Variants in FNIP2 observed in about 807,000 individuals in gnomAD.
FNIP2 encodes folliculin interacting protein 2, also known as folliculin-interacting protein 2.
A neutral mutation model predicts 108.7 loss-of-function variants in FNIP2; 32 were observed. That is an observed-to-expected ratio of 0.29 (90% confidence interval 0.22 to 0.40). The LOEUF is 0.40. Among genes scored for constraint, FNIP2 ranks in the 10% least tolerant of loss-of-function variants. The probability of loss-of-function intolerance (pLI) is 1.00; values close to 1 mark genes in which losing one functional copy is unlikely to be tolerated. For missense variants in FNIP2, 1,202 were observed against 1,381.6 expected (o/e 0.87, Z 2.06); for synonymous variants, 480 against 496.7 (o/e 0.97, Z 0.45).
intron 1 of FNIP2, among the ~76,000 whole-genome samples, chr4:158,778,546 A>G (rs776818133): frequency 6.6e-6 from 1 of 152,254 alleles, no homozygotes; most frequent in Non-Finnish European, 1.5e-5. Flanking sequence ...TGACTATAGT[A>G]TGATGAGATA....
chr4:158,798,207 C>T (rs1186154737), intron 1 of FNIP2, among the ~76,000 whole-genome samples: 1 of 151,924 alleles, frequency 6.6e-6, no homozygotes, highest in African/African-American at 2.4e-5. Flanking sequence ...TAGCATTACA[C>T]GCACGCACCA....
intron 1 of FNIP2, among the ~76,000 whole-genome samples, chr4:158,781,578 G>T (rs747446644): frequency 1.3e-5 from 2 of 152,090 alleles, no homozygotes; most frequent in Non-Finnish European, 1.5e-5. Context: ...GCAGTGGCGC[G>T]ATCTTGGCTC....
At chr4:158,842,915 T>C (rs1779206192) in intron 7 of FNIP2, among the ~76,000 whole-genome samples, 1 of 152,184 alleles carries the variant, frequency 6.6e-6, no homozygotes, top group South Asian at 2.1e-4. Flanking sequence ...TATAATTTGA[T>C]TTTCCTATTA....
At chr4:158,828,887 G>A (rs761166446) in intron 2 of FNIP2, among the ~76,000 whole-genome samples, 192 bp from the exon 3 acceptor site, 7 of 151,946 alleles carry the variant, frequency 4.6e-5, no homozygotes, top group Non-Finnish European at 1.0e-4. Flanking sequence ...ACCTCCTTTT[G>A]TCTAGAACCC....
intron 8 of FNIP2, among the ~76,000 whole-genome samples, chr4:158,852,733 G>T (rs1211723459): frequency 1.3e-5 from 2 of 152,200 alleles, no homozygotes; most frequent in African/African-American, 2.4e-5. Flanking sequence ...ACTGTCAGGA[G>T]ACGGCATCGC....
intron 7 of FNIP2, among the ~76,000 whole-genome samples, chr4:158,846,047 G>A (rs1276839512): frequency 3.3e-5 from 5 of 152,202 alleles, no homozygotes; most frequent in Non-Finnish European, 7.3e-5. Flanking sequence ...ACACCAAGTT[G>A]TCTTACTTGG....
At position 158,851,415 on chromosome 4, in the gene FNIP2, GACA is replaced by G; in HGVS notation, c.827_829del (p.Thr276del). On this transcript the variant is annotated inframe_deletion, in exon 8 of 17. Coordinates refer to ENST00000264433, the MANE Select transcript of FNIP2 (RefSeq NM_020840.3). ...ACCAGCGCCGCTGGCTTCGAAGTCAGACAACAAGTTTGGAAAATGGCATCATCC... is the reference window on the plus strand; with the variant it reads ...ACCAGCGCCGCTGGCTTCGAAGTCAGACAAGTTTGGAAAATGGCATCATCC... 1.9e-6 allele frequency: 3 copies of G among 1,613,952 alleles called. No individual in the cohort carries two copies. Among genetic ancestry groups the G allele is most frequent in the Non-Finnish European group, 2.5e-6 (3 of 1,179,870 alleles).
intron 7 of FNIP2, among the ~76,000 whole-genome samples, chr4:158,845,325 T>A (rs1054923706): frequency 6.6e-6 from 1 of 152,234 alleles, no homozygotes; most frequent in African/African-American, 2.4e-5. Context: ...ACTGAACTCA[T>A]GCAAAAGTTC....
At chr4:158,853,046 T>C (rs1468787348) in intron 8 of FNIP2, among the ~76,000 whole-genome samples, 1 of 152,190 alleles carries the variant, frequency 6.6e-6, no homozygotes, top group Non-Finnish European at 1.5e-5. Context: ...GAATACTTTA[T>C]ATGTAAGATA....
At position 158,816,302 on chromosome 4, in the gene FNIP2, G is replaced by C. The variant is rs993562164; in HGVS notation, c.108-9614G>C. 2.0e-5 allele frequency among the ~76,000 whole-genome samples: 3 copies of C among 151,992 alleles called. No individual in the cohort carries two copies. The East Asian group carries it at 5.8e-4, about 29-fold the overall frequency. On this transcript the variant is annotated intron_variant, in intron 1 of 16. Transcript: ENST00000264433. ...TGAATAACATATAAGGCAATGTCTT[G>C]GGTATTTACTTTGAAATTTATTCCG...
intron 1 of FNIP2, among the ~76,000 whole-genome samples, chr4:158,795,631 A>G (rs1258853665): frequency 3.3e-5 from 5 of 152,152 alleles, no homozygotes; most frequent in Non-Finnish European, 5.9e-5. Flanking sequence ...TCTTCCCTAA[A>G]CCAGGGGTCC....
intron 8 of FNIP2, among the ~76,000 whole-genome samples, chr4:158,857,126 T>C (rs1780029385): frequency 6.6e-6 from 1 of 152,228 alleles, no homozygotes; most frequent in South Asian, 2.1e-4. Context: ...GAGATGTTGA[T>C]GAGAAACTGT....
chr4:158,802,803 G>A (rs990222576), intron 1 of FNIP2, among the ~76,000 whole-genome samples: 5 of 152,178 alleles, frequency 3.3e-5, no homozygotes, highest in Non-Finnish European at 5.9e-5. Flanking sequence ...TTTTGGCCAC[G>A]GGGAAAAGAG....
chr4:158,847,790 G>A (rs1560798252), intron 7 of FNIP2, among the ~76,000 whole-genome samples: 1 of 152,160 alleles, frequency 6.6e-6, no homozygotes, highest in East Asian at 1.9e-4. Context: ...TGAGTCCCAG[G>A]CCTGGCAGCA....
At chr4:158,839,349 T>TC (rs1778987944) in intron 7 of FNIP2, among the ~76,000 whole-genome samples, 1 of 140,640 alleles carries the variant, frequency 7.1e-6, no homozygotes, top group East Asian at 2.0e-4. Context: ...CAATACTACT[T>TC]CATTTCTATT....
At chr4:158,891,393 C>T (rs1782270110) in intron 14 of FNIP2, 53 bp from the exon 15 acceptor site, 2 of 1,503,484 alleles carry the variant, frequency 1.3e-6, no homozygotes, top group Non-Finnish European at 1.8e-6. Context: ...GAAACTTTGA[C>T]CTTTTGGACT....
chr4:158,805,110 G>A (rs1019989880), intron 1 of FNIP2, among the ~76,000 whole-genome samples: 2 of 152,066 alleles, frequency 1.3e-5, no homozygotes, highest in Admixed American at 6.5e-5. Flanking sequence ...TAAAAGTAAT[G>A]GCAAAAACCG....
intron 7 of FNIP2, among the ~76,000 whole-genome samples, chr4:158,840,688 G>A (rs969696782): frequency 5.3e-5 from 8 of 152,180 alleles, no homozygotes; most frequent in Admixed American, 3.9e-4. Context: ...GAGCCACCGT[G>A]CCCAGCCAGA....
intron 1 of FNIP2, among the ~76,000 whole-genome samples, chr4:158,819,611 T>A (rs1483269987): frequency 6.6e-6 from 1 of 152,168 alleles, no homozygotes; most frequent in Non-Finnish European, 1.5e-5. Flanking sequence ...TTCCTGAGAG[T>A]ACTAACATAG....
Sources: gnomAD v4.1 joint callset for allele counts (sites outside exome capture counted in the v4.1 genomes callset) on GRCh38, gnomAD v4.1.1 for gene constraint, MANE v1.5 for transcripts, NCBI Gene and HGNC (gene_info 2026-07-23, HGNC 2026-07-21) for gene names.